Variants in MYLK observed in about 807,000 individuals in gnomAD.
MYLK encodes the protein myosin light chain kinase, smooth muscle.
In MYLK, 106 loss-of-function variants were observed where a neutral mutation model predicts 203.4. That is an observed-to-expected ratio of 0.52 (90% CI 0.45 to 0.61). The LOEUF is 0.61. Among genes scored for constraint, MYLK ranks in the 20% least tolerant of loss-of-function variants. The pLI, the probability that MYLK is intolerant of heterozygous loss-of-function variation, is 0.00. For synonymous variants in MYLK, 867 were observed against 959.5 expected (o/e 0.90, Z 1.78); for missense variants, 2,072 against 2,442.3 (o/e 0.85, Z 3.20).
At chr3:123,722,708 G>A (rs115209171) in intron 12 of MYLK, among the ~76,000 whole-genome samples, 133 of 152,262 alleles carry the variant, frequency 8.7e-4, no homozygotes, top group African/African-American at 2.9e-3. Flanking sequence ...CAGGCAAAAC[G>A]GAGCTTTCCC....
intron 2 of MYLK, among the ~76,000 whole-genome samples, chr3:123,837,578 A>G (rs909536595): frequency 6.7e-6 from 1 of 150,304 alleles, no homozygotes; most frequent in Non-Finnish European, 1.5e-5. Context: ...CATATACCAT[A>G]CAATTTAAAG....
At chr3:123,884,052 C>T (rs2033702584) in intron 1 of MYLK, among the ~76,000 whole-genome samples, 154 bp downstream of exon 1, 1 of 152,110 alleles carries the variant, frequency 6.6e-6, no homozygotes, top group Non-Finnish European at 1.5e-5. Flanking sequence ...TCCTTACGCC[C>T]CTGACTCCTC....
chr3:123,757,092 C>T (rs2063380772), intron 4 of MYLK, among the ~76,000 whole-genome samples: 1 of 152,182 alleles, frequency 6.6e-6, no homozygotes, highest in Admixed American at 6.5e-5. Context: ...ACCTGCCTGT[C>T]TCACTTGAGA....
At chr3:123,650,474 G>GGTGTGA (rs1055348906) in intron 24 of MYLK, among the ~76,000 whole-genome samples, 6 of 151,926 alleles carry the variant, frequency 3.9e-5, no homozygotes, top group Non-Finnish European at 5.9e-5. Context: ...CGGGTGTACC[G>GGTGTGA]GTGTGAGTGT....
intron 4 of MYLK, among the ~76,000 whole-genome samples, chr3:123,774,097 T>C (rs1240123983): frequency 6.6e-6 from 1 of 152,138 alleles, no homozygotes; most frequent in Non-Finnish European, 1.5e-5. Flanking sequence ...GCCAACCTTC[T>C]CCCCAGCTGT....
At chr3:123,767,120 G>A (rs906382681) in intron 4 of MYLK, among the ~76,000 whole-genome samples, 10 of 152,206 alleles carry the variant, frequency 6.6e-5, no homozygotes, top group African/African-American at 2.4e-4. Flanking sequence ...CCTCCCGCCA[G>A]TGTCCCTTTC....
chr3:123,647,211 G>C lies in MYLK; in HGVS notation c.4619+13C>G, dbSNP rs770890200. ...CCCTGTGGTGCCCACGCTGCTGGCA[G>C]TGGGCCACTCACATCTCCAGGACCA... On this transcript the variant is annotated intron_variant, in intron 27 of 33. Transcript: ENST00000360304. 1 of 1,613,500 alleles carries C rather than the reference G, an allele frequency of 6.2e-7. No individual in the cohort carries two copies. The highest frequency in any genetic ancestry group is 8.5e-7 in the Non-Finnish European group (1 of 1,179,770).
intron 3 of MYLK, among the ~76,000 whole-genome samples, chr3:123,830,030 A>G (rs923893937): frequency 4.6e-5 from 7 of 152,224 alleles, no homozygotes; most frequent in African/African-American, 1.7e-4. Flanking sequence ...CCGTCACAGC[A>G]TAAAGTAGGT....
intron 16 of MYLK, among the ~76,000 whole-genome samples, chr3:123,703,948 T>C (rs1020204968): frequency 6.6e-6 from 1 of 152,244 alleles, no homozygotes; most frequent in African/African-American, 2.4e-5. Flanking sequence ...TCTGAGGCTT[T>C]GGTGGTGGAC....
At chr3:123,621,141 G>A (rs968132147) in intron 31 of MYLK, 3 of 152,166 alleles carry the variant, frequency 2.0e-5, no homozygotes, top group African/African-American at 7.2e-5. Flanking sequence ...CAGAACTTGA[G>A]ATGTAATTTA....
intron 23 of MYLK, among the ~76,000 whole-genome samples, chr3:123,662,050 G>A (rs1451864169): frequency 2.6e-5 from 4 of 152,216 alleles, no homozygotes; most frequent in Non-Finnish European, 5.9e-5. Flanking sequence ...GGGGCTGAAG[G>A]GAAGTGCTAC....
chr3:123,745,098 AATG>A (rs1256628755), intron 5 of MYLK, among the ~76,000 whole-genome samples: 1 of 152,144 alleles, frequency 6.6e-6, no homozygotes, highest in Non-Finnish European at 1.5e-5. Context: ...CTTCCCTCTA[AATG>A]ATGACCATTT....
intron 10 of MYLK, 68 bp from the exon 11 acceptor site, chr3:123,733,170 T>C (rs2108787813): frequency 6.5e-7 from 1 of 1,541,208 alleles, no homozygotes. Flanking sequence ...GTGAGGTAGG[T>C]GGGGAAGGTG....
chr3:123,880,092 T>C (rs1449561546), intron 1 of MYLK, among the ~76,000 whole-genome samples: 1 of 152,238 alleles, frequency 6.6e-6, no homozygotes, highest in African/African-American at 2.4e-5. Flanking sequence ...TATTCTTTGT[T>C]TTGTGCCTAT....
At chr3:123,780,022 T>C (rs574104826) in intron 4 of MYLK, among the ~76,000 whole-genome samples, 1 of 152,368 alleles carries the variant, frequency 6.6e-6, no homozygotes, top group Non-Finnish European at 1.5e-5. Context: ...ATACCATTAG[T>C]GTTTACTGAA....
intron 2 of MYLK, among the ~76,000 whole-genome samples, chr3:123,864,952 C>T (rs2032226442): frequency 6.6e-6 from 1 of 152,176 alleles, no homozygotes; most frequent in South Asian, 2.1e-4. Flanking sequence ...TGGGCCCAAA[C>T]ACCTGCTAAC....
chr3:123,683,750 G>A (rs762292274), intron 19 of MYLK, among the ~76,000 whole-genome samples: 8 of 152,174 alleles, frequency 5.3e-5, no homozygotes, highest in African/African-American at 1.2e-4. Flanking sequence ...AAAGACAGCC[G>A]AAAGCCCTGC....
intron 4 of MYLK, among the ~76,000 whole-genome samples, chr3:123,787,922 G>T (rs1385348639): frequency 6.6e-6 from 1 of 152,190 alleles, no homozygotes; most frequent in Non-Finnish European, 1.5e-5. Context: ...GTGCCTGTGT[G>T]GGCCAAGGGA....
chr3:123,843,983 A>C (rs1417660785), intron 2 of MYLK, among the ~76,000 whole-genome samples: 1 of 151,922 alleles, frequency 6.6e-6, no homozygotes, highest in Non-Finnish European at 1.5e-5. Flanking sequence ...CTCCTTGGAG[A>C]CCTCTCTTAA....
Sources: gnomAD v4.1 joint callset for allele counts (sites outside exome capture counted in the v4.1 genomes callset) on GRCh38, gnomAD v4.1.1 for gene constraint, MANE v1.5 for transcripts, NCBI Gene and HGNC (gene_info 2026-07-23, HGNC 2026-07-21) for gene names.